CFAP97D2: variants seen among roughly 807,000 people sequenced by gnomAD.
The protein encoded by CFAP97D2 is CFAP97 domain containing 2.
In CFAP97D2 at chr13:114,211,937, G is replaced by A. The variant is rs2080968098; in HGVS notation, c.316G>A (p.Glu106Lys). Residue 106 changes from glutamate (E) to lysine (K), a missense_variant, in exon 4 of 5, where the codon GAA becomes AAA. By Grantham distance (56) the Glu-to-Lys change is moderately conservative. Coordinates refer to ENST00000646158, the Ensembl canonical transcript of CFAP97D2. This position sits in a 1 kb window ranked among gnomAD's most constrained non-coding sequence, Gnocchi z 4.2. ...TCTGCACAGGGGGAAGAGAGAACAG[G>A]AACTTCGCAGAGTGCGGAAGAAAAC... 2.5e-6 allele frequency: 1 copy of A among 398,738 alleles called. No homozygotes were observed. 24.7% of individuals were successfully genotyped at this position (398,738 alleles called of 1,614,324 possible). A position where few individuals can be genotyped will look rare whatever the true frequency, so the allele number is the denominator to read the frequency against.
At chr13:114,193,607 G>C (rs901763508) in intron 1 of CFAP97D2, among the ~76,000 whole-genome samples, 1 of 152,184 alleles carries the variant, frequency 6.6e-6, no homozygotes, top group East Asian at 1.9e-4. Context: ...TAGGAAGGCA[G>C]GCCTCACCTT....
chr13:114,182,331 G>C (rs140431434), intron 1 of CFAP97D2, among the ~76,000 whole-genome samples: 1 of 151,998 alleles, frequency 6.6e-6, no homozygotes, highest in Non-Finnish European at 1.5e-5. Flanking sequence ...TCCCGCCATA[G>C]GGCTGTTTTT....
At chr13:114,192,824 T>C (rs1424765294) in intron 1 of CFAP97D2, among the ~76,000 whole-genome samples, 1 of 152,226 alleles carries the variant, frequency 6.6e-6, no homozygotes, top group African/African-American at 2.4e-5. Flanking sequence ...AAGCCACTAA[T>C]ATAATTTACC....
In CFAP97D2 at chr13:114,211,955, A is replaced by G. The variant is rs571075747; in HGVS notation, c.334A>G (p.Lys112Glu). 3.0e-5 allele frequency: 12 copies of G among 398,758 alleles called. No homozygotes were observed. The highest frequency in any genetic ancestry group is 2.3e-4 in the African/African-American group (11 of 48,752). 24.7% of individuals were successfully genotyped at this position (398,758 alleles called of 1,614,324 possible). Reference sequence around the variant, plus strand: ...AGAACAGGAACTTCGCAGAGTGCGGAAGAAAACACGGCCATTCTGGAAGGA... The same window carrying G: ...AGAACAGGAACTTCGCAGAGTGCGGGAGAAAACACGGCCATTCTGGAAGGA... The change falls in exon 4 of 5, where the codon AAG (lysine) becomes GAG (glutamate). Residue 112 changes from lysine (K) to glutamate (E), a missense_variant. Physicochemically the swap from Lys to Glu is moderately conservative, Grantham distance 56. Transcript: ENST00000646158. This position sits in a 1 kb window ranked among gnomAD's most constrained non-coding sequence, Gnocchi z 4.2.
Position 114,189,480 on chromosome 13 carries a change from T to G in CFAP97D2, c.91-6916T>G, listed in dbSNP as rs937567223. Reference sequence around the variant, plus strand: ...CAGTGGGAATACCTCCTGTATGTATTCTGTGAAGCAGCACTACCTTATAAC... The same window carrying G: ...CAGTGGGAATACCTCCTGTATGTATGCTGTGAAGCAGCACTACCTTATAAC... On this transcript the variant is annotated intron_variant, in intron 1 of 4. Coordinates refer to ENST00000646158, the Ensembl canonical transcript of CFAP97D2. The surrounding 1 kb of genome is among the most constrained non-coding windows in gnomAD (Gnocchi z 4.5). Among the ~76,000 whole-genome samples, 1 of 152,224 alleles carries G rather than the reference T, an allele frequency of 6.6e-6. No homozygotes were observed. The highest frequency in any genetic ancestry group is 2.4e-5 in the African/African-American group (1 of 41,446).
At chr13:114,200,435 G>C (rs1308724884) in exon 3 of CFAP97D2, 1 of 398,612 alleles carries the variant, frequency 2.5e-6, no homozygotes, top group African/African-American at 2.1e-5. Context: ...ACAACTCCAA[G>C]CACAGGAGGT....
At chr13:114,200,760 G>C (rs147255608) in intron 3 of CFAP97D2, among the ~76,000 whole-genome samples, 1 of 152,188 alleles carries the variant, frequency 6.6e-6, no homozygotes, top group Non-Finnish European at 1.5e-5. Context: ...CGTGTGGTAC[G>C]GGCTCTTGTG....
At chr13:114,191,287 T>C (rs958557660) in intron 1 of CFAP97D2, among the ~76,000 whole-genome samples, 7 of 152,150 alleles carry the variant, frequency 4.6e-5, no homozygotes, top group African/African-American at 1.4e-4. Context: ...TCATTAAAAT[T>C]AAAAGCTTCT....
chr13:114,198,888 T>G (rs71217095), intron 2 of CFAP97D2, among the ~76,000 whole-genome samples: 28 of 42,956 alleles, frequency 6.5e-4, no homozygotes, highest in South Asian at 1.8e-3. Context: ...CGTCCCCGTG[T>G]GTACGGTCCC....
intron 1 of CFAP97D2, among the ~76,000 whole-genome samples, chr13:114,192,714 A>T (rs1041293066): frequency 2.6e-5 from 4 of 152,254 alleles, no homozygotes; most frequent in African/African-American, 9.6e-5. Context: ...ATATGAAGAC[A>T]AAAACATTCA....
At chr13:114,209,203 C>T (rs545573767) in intron 3 of CFAP97D2, among the ~76,000 whole-genome samples, 53 of 152,248 alleles carry the variant, frequency 3.5e-4, no homozygotes, top group Non-Finnish European at 6.2e-4. Context: ...TTGCCACTGC[C>T]ATCTGGGCAC....
At chr13:114,216,615 T>G (rs971080237) in intron 4 of CFAP97D2, among the ~76,000 whole-genome samples, 1 of 152,240 alleles carries the variant, frequency 6.6e-6, no homozygotes. Context: ...ACAAAGGACA[T>G]GAACTCATCC....
chr13:114,213,651 C>T (rs1254075475), intron 4 of CFAP97D2, among the ~76,000 whole-genome samples: 1 of 139,102 alleles, frequency 7.2e-6, no homozygotes, highest in Non-Finnish European at 1.6e-5. Flanking sequence ...GACCACAGAC[C>T]CCCACCCCTG....
At chr13:114,219,271 G>T (rs1216293034) in intron 4 of CFAP97D2, among the ~76,000 whole-genome samples, 2 of 152,096 alleles carry the variant, frequency 1.3e-5, no homozygotes, top group African/African-American at 4.8e-5. Flanking sequence ...AGTCCCAGAG[G>T]CTTTCCCCGC....
chr13:114,200,406 G>A, exon 3 of CFAP97D2: 1 of 398,710 alleles, frequency 2.5e-6, no homozygotes, highest in Non-Finnish European at 4.4e-6. Context: ...GAGGACCAGG[G>A]GACAGACTGA....
intron 3 of CFAP97D2, among the ~76,000 whole-genome samples, chr13:114,204,009 CAT>C (rs886511673): frequency 1.3e-5 from 2 of 152,222 alleles, no homozygotes; most frequent in Non-Finnish European, 2.9e-5. Flanking sequence ...TAGTAGGACT[CAT>C]GTGTCCTTAT....
At chr13:114,220,267 G>A (rs1198032113) in intron 4 of CFAP97D2, among the ~76,000 whole-genome samples, 1 of 151,912 alleles carries the variant, frequency 6.6e-6, no homozygotes. Context: ...ATCTTCGCTG[G>A]CCTCGCATGG....
chr13:114,211,848 C>T lies in CFAP97D2; in HGVS notation c.291-64C>T. 2.5e-6 allele frequency: 1 copy of T among 398,286 alleles called. No individual in the cohort carries two copies. 24.7% of individuals were successfully genotyped at this position (398,286 alleles called of 1,614,324 possible). A position where few individuals can be genotyped will look rare whatever the true frequency, so the allele number is the denominator to read the frequency against. On this transcript the variant is annotated intron_variant, in intron 3 of 4. Transcript: ENST00000646158. This position sits in a 1 kb window ranked among gnomAD's most constrained non-coding sequence, Gnocchi z 4.2. ...CTTCCTGCTCTGGAGCCTGTTGGCC[C>T]TGTGGAGGGAATGGCAGCCTTAATA... is the stretch of plus-strand genomic sequence containing the variant.
chr13:114,182,687 C>T (rs1226055003), intron 1 of CFAP97D2, among the ~76,000 whole-genome samples: 1 of 152,202 alleles, frequency 6.6e-6, no homozygotes, highest in Non-Finnish European at 1.5e-5. Context: ...TGCTTGTAAA[C>T]GTTTTGTTAA....
Sources: allele counts gnomAD v4.1 joint callset (sites outside exome capture counted in the v4.1 genomes callset), GRCh38; gene constraint gnomAD v4.1.1; non-coding constraint Gnocchi (gnomAD v3.1); transcripts MANE v1.5; gene names NCBI Gene and HGNC (gene_info 2026-07-23, HGNC 2026-07-21).